SPIDR: variants seen among roughly 807,000 people sequenced by gnomAD.
The protein encoded by SPIDR is DNA repair-scaffolding protein.
In SPIDR, 93 loss-of-function variants were observed where a neutral mutation model predicts 104.6. The ratio of observed to expected loss-of-function variants is 0.89; its 90% CI spans 0.75 to 1.06. The LOEUF is 1.06. Ranked by LOEUF, SPIDR falls within the 50% of genes least tolerant of loss-of-function variation. The pLI is 0.00. For missense variants in SPIDR, 1,154 were observed against 1,111.2 expected, an observed-to-expected ratio of 1.04 and a Z score of -0.55; for synonymous variants, 431 against 416.9, an observed-to-expected ratio of 1.03 and a Z score of -0.41.
chr8:47,396,915 T>TA (rs2061312917), intron 6 of SPIDR, among the ~76,000 whole-genome samples: 1 of 152,078 alleles, frequency 6.6e-6, no homozygotes, highest in Admixed American at 6.5e-5. Context: ...ACTTATAATG[T>TA]AAAAAGGGAA....
chr8:47,392,254 G>C (rs1269755405), intron 5 of SPIDR, among the ~76,000 whole-genome samples: 1 of 152,124 alleles, frequency 6.6e-6, no homozygotes, highest in African/African-American at 2.4e-5. Context: ...TAGCCCACTA[G>C]TAGGGAGTAG....
chr8:47,525,275 T>C (rs890590600), intron 8 of SPIDR, among the ~76,000 whole-genome samples: 2 of 152,370 alleles, frequency 1.3e-5, no homozygotes, highest in Non-Finnish European at 2.9e-5. Context: ...AAAGGGCAGC[T>C]GCTTGCTGCC....
intron 5 of SPIDR, among the ~76,000 whole-genome samples, chr8:47,333,250 G>T (rs1360508248): frequency 6.6e-6 from 1 of 151,980 alleles, no homozygotes; most frequent in Non-Finnish European, 1.5e-5. Flanking sequence ...GGATCTTGAG[G>T]ATGTTTTACA....
chr8:47,271,399 TAC>T (rs1276876214), intron 1 of SPIDR, among the ~76,000 whole-genome samples: 1 of 152,182 alleles, frequency 6.6e-6, no homozygotes, highest in African/African-American at 2.4e-5. Flanking sequence ...CATTTTTCTT[TAC>T]ACTCTTTTTT....
chr8:47,623,206 A>G (rs940014020), intron 10 of SPIDR, among the ~76,000 whole-genome samples: 1 of 152,214 alleles, frequency 6.6e-6, no homozygotes, highest in African/African-American at 2.4e-5. Context: ...TGTCACCACC[A>G]GGCCTGCCCT....
chr8:47,511,316 C>A (rs2082286383), intron 8 of SPIDR: 1 of 1,302,722 alleles, frequency 7.7e-7, no homozygotes, highest in Non-Finnish European at 1.1e-6. Flanking sequence ...TCATTTTCTG[C>A]CAGTTGGACT....
chr8:47,705,453 G>A (rs1215461553), intron 14 of SPIDR, among the ~76,000 whole-genome samples: 2 of 152,184 alleles, frequency 1.3e-5, no homozygotes, highest in African/African-American at 2.4e-5. Context: ...CTGCTTTTGT[G>A]TGTAAAAGAA....
intron 5 of SPIDR, among the ~76,000 whole-genome samples, chr8:47,346,916 T>C (rs1042690363): frequency 6.6e-6 from 1 of 152,176 alleles, no homozygotes. Context: ...CCTGGATTCA[T>C]TGATTTTTTG....
intron 5 of SPIDR, among the ~76,000 whole-genome samples, chr8:47,353,091 T>C (rs1292969192): frequency 1.4e-5 from 2 of 144,944 alleles, no homozygotes; most frequent in Non-Finnish European, 3.1e-5. Flanking sequence ...TCTTTCCAAA[T>C]ATGATACAAT....
chr8:47,653,819 GTTA>G (rs2072151590), intron 10 of SPIDR, among the ~76,000 whole-genome samples: 1 of 150,634 alleles, frequency 6.6e-6, no homozygotes, highest in Admixed American at 6.6e-5. Flanking sequence ...AGCTCCTCAA[GTTA>G]TTATAATACA....
intron 8 of SPIDR, among the ~76,000 whole-genome samples, chr8:47,485,495 G>A (rs568611822): frequency 2.6e-5 from 4 of 152,314 alleles, no homozygotes; most frequent in Admixed American, 6.5e-5. Flanking sequence ...TGACAGCTTC[G>A]AGAGAGCAGT....
intron 8 of SPIDR, among the ~76,000 whole-genome samples, chr8:47,464,513 C>G (rs1258676383): frequency 1.3e-5 from 2 of 152,102 alleles, no homozygotes; most frequent in Non-Finnish European, 2.9e-5. Flanking sequence ...GCTGGGAACC[C>G]GACACAGGGC....
At chr8:47,266,387 C>T (rs1411000218) in intron 1 of SPIDR, among the ~76,000 whole-genome samples, 1 of 152,048 alleles carries the variant, frequency 6.6e-6, no homozygotes, top group Non-Finnish European at 1.5e-5. Context: ...CCACCCACCT[C>T]GGCCTCTCAA....
At chr8:47,432,755 G>A (rs781797294) in intron 7 of SPIDR, among the ~76,000 whole-genome samples, 11 of 152,238 alleles carry the variant, frequency 7.2e-5, no homozygotes, top group East Asian at 5.8e-4. Flanking sequence ...AGGAAGCTAC[G>A]GGATTTGAGG....
chr8:47,387,623 A>G (rs1287968196), intron 5 of SPIDR, among the ~76,000 whole-genome samples: 5 of 152,246 alleles, frequency 3.3e-5, no homozygotes, highest in African/African-American at 1.2e-4. Context: ...TTTGAGGAAC[A>G]TATCAGGAGT....
intron 7 of SPIDR, among the ~76,000 whole-genome samples, chr8:47,434,529 G>T (rs2067933513): frequency 6.6e-6 from 1 of 152,148 alleles, no homozygotes; most frequent in Admixed American, 6.5e-5. Flanking sequence ...AATTACCATG[G>T]GGTCAGTGTT....
intron 10 of SPIDR, among the ~76,000 whole-genome samples, chr8:47,612,912 G>A (rs1267358263): frequency 6.6e-6 from 1 of 152,218 alleles, no homozygotes; most frequent in African/African-American, 2.4e-5. Flanking sequence ...GGAGGAAATG[G>A]ATGCTATGCG....
At chr8:47,540,605 A>G (rs2087908029) in intron 8 of SPIDR, among the ~76,000 whole-genome samples, 2 of 152,132 alleles carry the variant, frequency 1.3e-5, no homozygotes, top group Admixed American at 1.3e-4. Context: ...TTAGAAGACT[A>G]TCTTCCAAGG....
intron 10 of SPIDR, among the ~76,000 whole-genome samples, chr8:47,626,645 C>T (rs1001215608): frequency 2.6e-5 from 4 of 152,184 alleles, no homozygotes; most frequent in Non-Finnish European, 4.4e-5. Flanking sequence ...AAATGCTCAT[C>T]GTCACTGGCC....
Sources: allele counts gnomAD v4.1 joint callset (sites outside exome capture counted in the v4.1 genomes callset), GRCh38; gene constraint gnomAD v4.1.1; transcripts MANE v1.5; gene names NCBI Gene and HGNC (gene_info 2026-07-23, HGNC 2026-07-21).